The following FBN2 variants were observed in gnomAD, a reference collection of about 807,000 sequenced individuals.
FBN2 encodes fibrillin-2.
FBN2 carries 105 observed loss-of-function variants against 355.6 expected under a neutral mutation model. The observed-to-expected ratio is 0.30, with a 90% CI of 0.25 to 0.35. The LOEUF (loss-of-function observed/expected upper bound fraction) is 0.35, where lower values mean the gene tolerates loss of function less well. FBN2 is among the 10% of genes least tolerant of loss of function. The pLI, the probability that FBN2 is intolerant of heterozygous loss-of-function variation, is 1.00. For synonymous variants in FBN2, 1,350 were observed against 1,301.2 expected, an observed-to-expected ratio of 1.04 and a Z score of -0.81; for missense variants, 3,280 against 3,758.7, an observed-to-expected ratio of 0.87 and a Z score of 3.33.
At chr5:128,262,617 T>C (rs965599503) in intron 63 of FBN2, among the ~76,000 whole-genome samples, 7 of 152,224 alleles carry the variant, frequency 4.6e-5, no homozygotes, top group African/African-American at 2.4e-5. Flanking sequence ...TCTGAACTTA[T>C]ATTTTGGTTA....
At chr5:128,377,608 T>C (rs1752112875) in intron 13 of FBN2, 144 bp downstream of exon 13, 2 of 888,300 alleles carry the variant, frequency 2.3e-6, no homozygotes, top group Admixed American at 1.9e-5. Flanking sequence ...AACAGTCTTA[T>C]ATTAAATGCA....
intron 5 of FBN2, among the ~76,000 whole-genome samples, chr5:128,473,442 A>C (rs1475099925): frequency 1.3e-5 from 2 of 152,180 alleles, no homozygotes; most frequent in Non-Finnish European, 2.9e-5. Context: ...TAAGTACTAA[A>C]AATATTTTTG....
At chr5:128,436,764 T>C (rs1753778670) in intron 7 of FBN2, among the ~76,000 whole-genome samples, 1 of 152,010 alleles carries the variant, frequency 6.6e-6, no homozygotes, top group African/African-American at 2.4e-5. Context: ...CAGCGCCTCA[T>C]GGAAGAGACA....
chr5:128,374,417 C>T (rs1384107736), intron 15 of FBN2, among the ~76,000 whole-genome samples: 2 of 152,096 alleles, frequency 1.3e-5, no homozygotes, highest in Admixed American at 1.3e-4. Context: ...AACGGACTTG[C>T]CGATTCTGGA....
intron 7 of FBN2, among the ~76,000 whole-genome samples, chr5:128,427,789 A>C (rs1321902078): frequency 1.3e-5 from 2 of 152,118 alleles, no homozygotes; most frequent in Non-Finnish European, 1.5e-5. Context: ...CCGGGTCTGA[A>C]GCACGAGCTG....
intron 5 of FBN2, among the ~76,000 whole-genome samples, chr5:128,490,036 C>G (rs190884061): frequency 2.6e-5 from 4 of 152,058 alleles, no homozygotes; most frequent in African/African-American, 9.7e-5. Flanking sequence ...ATGGAAAGAG[C>G]CTTAACATAG....
chr5:128,438,965 C>T (rs1373235793), intron 7 of FBN2, among the ~76,000 whole-genome samples: 1 of 152,106 alleles, frequency 6.6e-6, no homozygotes, highest in Non-Finnish European at 1.5e-5. Flanking sequence ...TGCATTAACA[C>T]ACACACATAC....
At chr5:128,294,724 G>A (rs1749450856) in intron 48 of FBN2, among the ~76,000 whole-genome samples, 1 of 150,968 alleles carries the variant, frequency 6.6e-6, no homozygotes, top group South Asian at 2.1e-4. Context: ...GTTCATTGTA[G>A]ATTCTGGATA....
intron 48 of FBN2, among the ~76,000 whole-genome samples, chr5:128,292,745 T>C (rs977494804): frequency 1.3e-5 from 2 of 152,192 alleles, no homozygotes; most frequent in Non-Finnish European, 2.9e-5. Flanking sequence ...AAATAGCCTC[T>C]TCTGTTCTCT....
intron 23 of FBN2, among the ~76,000 whole-genome samples, chr5:128,349,022 A>G (rs111916734): frequency 3.3e-5 from 5 of 152,272 alleles, no homozygotes; most frequent in Admixed American, 2.0e-4. Flanking sequence ...TTAAAATCCT[A>G]GTCTCCAACT....
chr5:128,362,777 CT>C lies in FBN2; in HGVS notation c.2429-930del, dbSNP rs546781294. 9.9e-5 allele frequency among the ~76,000 whole-genome samples: 15 copies of C among 152,262 alleles called. 1 individual carries two copies. In the South Asian group the frequency reaches 3.1e-3, roughly 32 times the overall value. ...ACCGCACCTGGCCTCACATTTTAATCTTCATATTCTTCCATTTTTGCAAGTG... is the reference window on the plus strand; with the variant it reads ...ACCGCACCTGGCCTCACATTTTAATCTCATATTCTTCCATTTTTGCAAGTG... On this transcript the variant is annotated intron_variant, in intron 18 of 64. Coordinates refer to ENST00000262464, the MANE Select transcript of FBN2 (RefSeq NM_001999.4).
rs571895053 is a variant in FBN2, at chr5:128,310,696, T to C, written c.5075-588A>G. Among the ~76,000 whole-genome samples the C allele has an allele frequency of 5.3e-5, 8 of 152,248 alleles. No homozygotes were observed. In the East Asian group the frequency reaches 1.4e-3, roughly 26 times the overall value. On this transcript the variant is annotated intron_variant, in intron 39 of 64. Coordinates refer to ENST00000262464, the MANE Select transcript of FBN2 (RefSeq NM_001999.4). ...AAATAATTACGCTACATGTTTAATG[T>C]TCAGTTAGAAGCATTCACTCATTTC...
Position 128,290,762 on chromosome 5 carries a change from G to A in FBN2, c.6415C>T (p.Pro2139Ser), listed in dbSNP as rs1266965965. 1.9e-6 allele frequency: 3 copies of A among 1,614,086 alleles called. No homozygotes were observed. Among genetic ancestry groups the A allele is most frequent in the Non-Finnish European group, 2.5e-6 (3 of 1,179,970 alleles). The change falls in exon 50 of 65, where the codon CCC becomes TCC. Residue 2139 changes from proline to serine, a missense_variant. By Grantham distance (74) the Pro-to-Ser change is moderately conservative. Coordinates refer to ENST00000262464, the MANE Select transcript of FBN2 (RefSeq NM_001999.4). ...SKMPGEGWGD[P>S]CELCPKDDEV... The stretch of plus-strand genomic sequence containing the variant: ...TCGTCTTTGGGGCACAGCTCACAGG[G>A]GTCCCCCCAGCCCTCTCCTGGCATC...
At chr5:128,288,399 T>C (rs372502871) in intron 53 of FBN2, 39 bp downstream of exon 53, 101 of 1,608,268 alleles carry the variant, frequency 6.3e-5, no homozygotes, top group Non-Finnish European at 8.3e-5. Flanking sequence ...ACACTTTCTA[T>C]GTCAAGAAGA....
intron 29 of FBN2, 46 bp from the exon 30 acceptor site, chr5:128,335,341 A>T (rs200954425): frequency 6.2e-7 from 1 of 1,613,760 alleles, no homozygotes; most frequent in East Asian, 2.2e-5. Context: ...AATGTCGTTC[A>T]TCAATCTCAA....
intron 17 of FBN2, chr5:128,365,063 A>G (rs1396443884): frequency 4.1e-6 from 1 of 241,308 alleles, no homozygotes; most frequent in Non-Finnish European, 8.1e-6. Context: ...GAGTTGATAG[A>G]TATTGTAATC....
chr5:128,357,232 C>T lies in FBN2; in HGVS notation c.2674+44G>A, dbSNP rs1192003486. The T allele has an allele frequency of 2.5e-6, 4 of 1,612,284 alleles. No homozygotes were observed. In the East Asian group the frequency reaches 6.7e-5, roughly 27 times the overall value. On this transcript the variant is annotated intron_variant, in intron 20 of 64. Coordinates refer to ENST00000262464, the MANE Select transcript of FBN2 (RefSeq NM_001999.4). ...AGTAAGGCCTGAGATCTGTGCTTAT[C>T]TTGGCAGTGAAATTGAAGCATCAGT... is the stretch of plus-strand genomic sequence containing the variant.
intron 61 of FBN2, among the ~76,000 whole-genome samples, chr5:128,273,031 T>C (rs1765304934): frequency 6.6e-6 from 1 of 152,212 alleles, no homozygotes; most frequent in Non-Finnish European, 1.5e-5. Context: ...TTAACATATA[T>C]TTCTAGAAAT....
At chr5:128,427,969 T>A (rs542895165) in intron 7 of FBN2, among the ~76,000 whole-genome samples, 2 of 152,336 alleles carry the variant, frequency 1.3e-5, no homozygotes, top group Admixed American at 6.5e-5. Flanking sequence ...ATGTTCTCCA[T>A]CTCAGTTAAT....
Sources: allele counts gnomAD v4.1 joint callset (sites outside exome capture counted in the v4.1 genomes callset), GRCh38; gene constraint gnomAD v4.1.1; transcripts MANE v1.5; gene names NCBI Gene and HGNC (gene_info 2026-07-23, HGNC 2026-07-21).